Variants in PDE10A observed in about 807,000 individuals in gnomAD.
The protein encoded by PDE10A is cAMP and cAMP-inhibited cGMP 3',5'-cyclic phosphodiesterase 10A.
A neutral mutation model predicts 97.7 loss-of-function variants in PDE10A; 39 were observed. The ratio of observed to expected loss-of-function variants is 0.40; its 90% confidence interval spans 0.31 to 0.52. The LOEUF (loss-of-function observed/expected upper bound fraction) is 0.52. Ranked by LOEUF, PDE10A falls within the 20% of genes least tolerant of loss-of-function variation. The pLI is 0.56. For synonymous variants in PDE10A, 371 were observed against 376.8 expected, an observed-to-expected ratio of 0.98 and a Z score of 0.18; for missense variants, 731 against 1,047.8, an observed-to-expected ratio of 0.70 and a Z score of 4.17.
intron 1 of PDE10A, among the ~76,000 whole-genome samples, chr6:165,954,185 G>A (rs1194533051): frequency 6.6e-6 from 1 of 152,100 alleles, no homozygotes; most frequent in Admixed American, 6.5e-5. Flanking sequence ...TCAGTTTGGG[G>A]CAATTATAAA....
chr6:165,464,570 T>C (rs1347188639), intron 3 of PDE10A, among the ~76,000 whole-genome samples: 2 of 152,180 alleles, frequency 1.3e-5, no homozygotes, highest in Non-Finnish European at 1.5e-5. Flanking sequence ...CAAATCTTAA[T>C]GGTACTAGTG....
chr6:165,763,354 G>T (rs987766674), intron 1 of PDE10A, among the ~76,000 whole-genome samples: 2 of 152,242 alleles, frequency 1.3e-5, no homozygotes, highest in East Asian at 3.9e-4. Flanking sequence ...ATGGAGTCTT[G>T]CTCTGTCACC....
At chr6:165,754,803 G>T (rs1455464892) in intron 1 of PDE10A, among the ~76,000 whole-genome samples, 1 of 152,074 alleles carries the variant, frequency 6.6e-6, no homozygotes, top group African/African-American at 2.4e-5. Flanking sequence ...TAATTAATTA[G>T]ATAAAGCATC....
chr6:165,881,347 T>C (rs910380315), intron 1 of PDE10A, among the ~76,000 whole-genome samples: 3 of 152,020 alleles, frequency 2.0e-5, no homozygotes, highest in Non-Finnish European at 4.4e-5. Flanking sequence ...AGTAGTTTTC[T>C]AGCTGAGGAC....
At chr6:165,861,336 T>C (rs868422767) in intron 1 of PDE10A, among the ~76,000 whole-genome samples, 1 of 151,710 alleles carries the variant, frequency 6.6e-6, no homozygotes, top group Non-Finnish European at 1.5e-5. Flanking sequence ...AAGGCTGACA[T>C]TCCAGTGGGA....
At chr6:165,387,883 TAAAC>T (rs895840862) in intron 17 of PDE10A, among the ~76,000 whole-genome samples, 13 of 151,844 alleles carry the variant, frequency 8.6e-5, no homozygotes, top group African/African-American at 1.5e-4. Context: ...ATAAAATAAA[TAAAC>T]AAAACATACA....
In PDE10A at chr6:165,434,086, C is replaced by A. The variant is rs147059964; in HGVS notation, c.1336-957G>T. The stretch of plus-strand genomic sequence containing the variant: ...TGAATTAATATCAAAAGCATCAATT[C>A]TATTTCTTCAATTTCTACTGTCTGT... On this transcript the variant is annotated intron_variant, in intron 6 of 21. Transcript: ENST00000539869. 1.4e-3 allele frequency among the ~76,000 whole-genome samples: 213 copies of A among 148,440 alleles called. 2 individuals carry two copies. Among genetic ancestry groups the A allele is most frequent in the African/African-American group, 4.7e-3 (188 of 40,318 alleles).
intron 2 of PDE10A, among the ~76,000 whole-genome samples, chr6:165,491,527 C>T (rs564422933): frequency 6.6e-6 from 1 of 152,114 alleles, no homozygotes; most frequent in African/African-American, 2.4e-5. Context: ...TTAAGAAAAT[C>T]AAAATCATAG....
chr6:165,633,552 G>A (rs1788732387), intron 1 of PDE10A, among the ~76,000 whole-genome samples: 1 of 152,198 alleles, frequency 6.6e-6, no homozygotes, highest in Admixed American at 6.5e-5. Context: ...CAACATTTAT[G>A]TCTTCAAAGG....
At chr6:165,677,210 T>C (rs1385665946) in intron 1 of PDE10A, among the ~76,000 whole-genome samples, 1 of 152,188 alleles carries the variant, frequency 6.6e-6, no homozygotes, top group East Asian at 1.9e-4. Context: ...ATCCGATCAG[T>C]GGACGACTTC....
At chr6:165,351,486 T>C (rs908029870) in intron 18 of PDE10A, among the ~76,000 whole-genome samples, 1 of 152,218 alleles carries the variant, frequency 6.6e-6, no homozygotes, top group Non-Finnish European at 1.5e-5. Flanking sequence ...CATGAGTATA[T>C]GACCACATGA....
intron 1 of PDE10A, among the ~76,000 whole-genome samples, chr6:165,639,977 G>A (rs1311695570): frequency 6.6e-6 from 1 of 151,594 alleles, no homozygotes; most frequent in Non-Finnish European, 1.5e-5. Flanking sequence ...GGCTCAGGCA[G>A]GATGATCACC....
intron 1 of PDE10A, among the ~76,000 whole-genome samples, chr6:165,785,333 G>A (rs891360790): frequency 5.9e-5 from 9 of 152,108 alleles, no homozygotes; most frequent in South Asian, 2.1e-4. Context: ...CTAGACTATG[G>A]ACAGAATTTC....
At chr6:165,659,481 A>C (rs1171887567) in intron 1 of PDE10A, among the ~76,000 whole-genome samples, 1 of 152,244 alleles carries the variant, frequency 6.6e-6, no homozygotes, top group African/African-American at 2.4e-5. Flanking sequence ...ACAAAGACCC[A>C]AAAAGTAAAG....
rs1188777698 is a variant in PDE10A at position 165,331,510 on chromosome 6, T to C, written c.*1515A>G. 6.6e-6 allele frequency: 1 copy of C among 152,178 alleles called. No individual in the cohort carries two copies. Among genetic ancestry groups the C allele is most frequent in the South Asian group, 2.1e-4 (1 of 4,830 alleles). 9.4% of individuals were successfully genotyped at this position (152,178 alleles called of 1,614,324 possible). A position where few individuals can be genotyped will look rare whatever the true frequency, so the allele number is the denominator to read the frequency against. On this transcript the variant is annotated 3_prime_UTR_variant, in exon 22 of 22. Transcript: ENST00000539869. ...AACAAAACGCCTATGGTGGTAAATA[T>C]GTAGAAGCATATTTTTCCATTTTAT...
chr6:165,815,189 T>C (rs1440726812), intron 1 of PDE10A, among the ~76,000 whole-genome samples: 1 of 152,184 alleles, frequency 6.6e-6, no homozygotes, highest in Non-Finnish European at 1.5e-5. Context: ...ATGTGCTCAA[T>C]TTATATCTAT....
intron 1 of PDE10A, among the ~76,000 whole-genome samples, chr6:165,688,487 C>T (rs1231839557): frequency 6.6e-6 from 1 of 152,150 alleles, no homozygotes; most frequent in Non-Finnish European, 1.5e-5. Context: ...GACTTGAAGC[C>T]AGAGTAGGAA....
intron 18 of PDE10A, among the ~76,000 whole-genome samples, chr6:165,374,951 T>C (rs768805197): frequency 2.0e-5 from 3 of 152,158 alleles, no homozygotes; most frequent in Non-Finnish European, 4.4e-5. Flanking sequence ...GATGTTACCA[T>C]TGTAACTATT....
chr6:165,386,948 G>A (rs941734176), intron 17 of PDE10A, among the ~76,000 whole-genome samples: 4 of 152,012 alleles, frequency 2.6e-5, no homozygotes, highest in Admixed American at 1.3e-4. Flanking sequence ...TCCAGGAGGC[G>A]GGGCGTGCAG....
Sources: gnomAD v4.1 joint callset for allele counts (sites outside exome capture counted in the v4.1 genomes callset) on GRCh38, gnomAD v4.1.1 for gene constraint, MANE v1.5 for transcripts, NCBI Gene and HGNC (gene_info 2026-07-23, HGNC 2026-07-21) for gene names.